SH3BP1: variants seen among roughly 807,000 people sequenced by gnomAD.
The protein encoded by SH3BP1 is SH3 domain-binding protein 1.
A neutral mutation model predicts 69.8 loss-of-function variants in SH3BP1; 46 were observed. The observed-to-expected ratio is 0.66, with a 90% CI of 0.52 to 0.84. SH3BP1 has a LOEUF of 0.84. Ranked by LOEUF, SH3BP1 falls within the 40% of genes least tolerant of loss-of-function variation. SH3BP1 has a pLI of 0.00. For synonymous variants in SH3BP1, 403 were observed against 378.0 expected (o/e 1.07, Z -0.77); for missense variants, 868 against 930.9 (o/e 0.93, Z 0.88).
At chr22:37,653,040 G>C (rs1180626303) in intron 16 of SH3BP1, among the ~76,000 whole-genome samples, 1 of 151,948 alleles carries the variant, frequency 6.6e-6, no homozygotes, top group Non-Finnish European at 1.5e-5. Context: ...AGGAGACCAA[G>C]ACAGGAGAAT....
intron 17 of SH3BP1, among the ~76,000 whole-genome samples, chr22:37,654,194 G>A (rs1396300857): frequency 6.6e-6 from 1 of 152,174 alleles, no homozygotes; most frequent in Admixed American, 6.5e-5. Context: ...AGGGGGAGCC[G>A]GCGTGAGTAC....
chr22:37,655,691 G>C lies in SH3BP1; in HGVS notation c.*7G>C, dbSNP rs1324942989. 3.4e-6 allele frequency: 5 copies of C among 1,487,464 alleles called. No homozygotes were observed. The highest frequency in any genetic ancestry group is 4.5e-6 in the Non-Finnish European group (5 of 1,120,106). The allele number at this position is 1,487,464 out of a possible 1,614,324, so 92.1% of individuals were successfully genotyped here. A position where few individuals can be genotyped will look rare whatever the true frequency, so the allele number is the denominator to read the frequency against. On this transcript the variant is annotated 3_prime_UTR_variant, in exon 18 of 18. Transcript: ENST00000649765. Reference sequence around the variant, plus strand: ...TGCCTCAGAGACCAACTGAGTGGCTGGTTTCTCCCTAAGCAGCCCTCAGCA... The same window carrying C: ...TGCCTCAGAGACCAACTGAGTGGCTCGTTTCTCCCTAAGCAGCCCTCAGCA...
chr22:37,654,758 G>A (rs1049955230), intron 17 of SH3BP1, among the ~76,000 whole-genome samples: 5 of 151,950 alleles, frequency 3.3e-5, no homozygotes, highest in African/African-American at 9.7e-5. Context: ...AGGAATAGGC[G>A]GAACAGCTCT....
rs762602517 is a variant in SH3BP1, at chr22:37,650,235, C to T, written c.1400C>T (p.Thr467Ile). ...GAGGCGCTGATCCAGAGCGCAGACACCCTCTTCCCTGGAGGTGAAGCTCCT... is the reference window on the plus strand; with the variant it reads ...GAGGCGCTGATCCAGAGCGCAGACATCCTCTTCCCTGGAGGTGAAGCTCCT... ...VVEALIQSAD[T>I]LFPGDINFNV... Residue 467 changes from threonine to isoleucine, a missense_variant, in exon 15 of 18, where the codon ACC becomes ATC. Around this residue, in one of 3 missense-constraint regions of SH3BP1, gnomAD observed 474 missense variants for 462.3 expected, o/e 1.03. Transcript: ENST00000649765. The T allele has an allele frequency of 1.3e-5, 21 of 1,609,796 alleles. No individual in the cohort carries two copies. In the East Asian group the frequency reaches 4.5e-4, roughly 34 times the overall value.
At position 37,644,882 on chromosome 22, in the gene SH3BP1, C is replaced by T. The variant is rs960519170; in HGVS notation, c.700C>T (p.Gln234Ter). Residue 234 changes from glutamine (Q) to a stop codon, truncating the protein, a stop_gained, in exon 9 of 18, where the codon CAG (glutamine) becomes TAG (stop). Coordinates refer to ENST00000649765, the MANE Select transcript of SH3BP1 (RefSeq NM_018957.6). LOFTEE classifies it high-confidence loss of function. The part of the protein sequence containing the change: ...ANYFIRLLEI[Q>*]ADYHRRSLSS... ...TTCATCCCCACAGCTCCTGGAGATT[C>T]AGGCCGATTACCATCGCAGGTCACT... 6.2e-7 allele frequency: 1 copy of T among 1,613,944 alleles called. No individual in the cohort carries two copies. The highest frequency in any genetic ancestry group is 8.5e-7 in the Non-Finnish European group (1 of 1,180,028).
chr22:37,645,800 C>A (rs1052392845), intron 10 of SH3BP1, among the ~76,000 whole-genome samples: 5 of 152,072 alleles, frequency 3.3e-5, no homozygotes, highest in Non-Finnish European at 4.4e-5. Flanking sequence ...GAGAAGGTGA[C>A]TTCTCAAACC....
chr22:37,643,196 G>T, intron 6 of SH3BP1, 22 bp downstream of exon 6: 1 of 1,593,322 alleles, frequency 6.3e-7, no homozygotes, highest in Admixed American at 1.7e-5. Context: ...AGCCGCTCAG[G>T]GGGCTCATAT....
intron 16 of SH3BP1, among the ~76,000 whole-genome samples, chr22:37,653,311 C>T (rs968908266): frequency 6.6e-5 from 10 of 152,078 alleles, no homozygotes; most frequent in African/African-American, 2.4e-4. Context: ...TGGTGTGTGC[C>T]TATAATCCCA....
At position 37,655,459 on chromosome 22, in the gene SH3BP1, C is replaced by T. The variant is rs759137525; in HGVS notation, c.1881C>T (p.Pro627=). ...PTVPPPLPPT[P]PQPARRQSRR... is the part of the protein sequence containing the mutation. ...TGCCACCCCCGTTACCCCCCACACC[C>T]CCTCAGCCTGCCCGGCGCCAAAGCC... Residue 627 remains proline, a synonymous_variant, in exon 18 of 18, where the codon CCC becomes CCT. Coordinates refer to ENST00000649765, the MANE Select transcript of SH3BP1 (RefSeq NM_018957.6). The T allele has an allele frequency of 4.4e-6, 6 of 1,357,074 alleles. No individual in the cohort carries two copies. In the African/African-American group the frequency reaches 6.0e-5, roughly 13 times the overall value. The allele number at this position is 1,357,074 out of a possible 1,614,324, so 84.1% of individuals were successfully genotyped here. A position where few individuals can be genotyped will look rare whatever the true frequency, so the allele number is the denominator to read the frequency against.
At chr22:37,655,198 G>A (rs73168203) in intron 17 of SH3BP1, 74 bp from the exon 18 acceptor site, 277,918 of 1,086,078 alleles carry the variant, frequency 0.26, 37,825 homozygotes, top group Middle Eastern at 0.32. Flanking sequence ...GGTTGTGAGG[G>A]GGCACGGAGC....
Position 37,653,851 on chromosome 22 carries a change from A to G in SH3BP1, c.1671A>G (p.Pro557=), listed in dbSNP as rs748504211. The G allele has an allele frequency of 7.7e-6, 11 of 1,428,776 alleles. No homozygotes were observed. In the East Asian group the frequency reaches 3.5e-4, roughly 45 times the overall value. 88.5% of individuals were successfully genotyped at this position (1,428,776 alleles called of 1,614,324 possible). A position where few individuals can be genotyped will look rare whatever the true frequency, so the allele number is the denominator to read the frequency against. The part of the protein sequence containing the change: ...VTRSPPETAA[P]VEDMARRTKR... Reference sequence around the variant, plus strand: ...GGAGTCCCCCGGAGACAGCTGCCCCAGTGGAGGACATGGCTCGGAGGAGTG... The same window carrying G: ...GGAGTCCCCCGGAGACAGCTGCCCCGGTGGAGGACATGGCTCGGAGGAGTG... Residue 557 remains proline (P), a synonymous_variant, in exon 17 of 18, where the codon CCA becomes CCG. Transcript: ENST00000649765.
Position 37,655,299 on chromosome 22 carries a change from C to A in SH3BP1, c.1721C>A (p.Thr574Asn). ...RTKRPAPARP[T>N]MPPPQVSGSR... ...AAGCGCCCGGCGCCAGCCCGGCCCACCATGCCGCCCCCCCAGGTCTCCGGC... is the reference window on the plus strand; with the variant it reads ...AAGCGCCCGGCGCCAGCCCGGCCCAACATGCCGCCCCCCCAGGTCTCCGGC... Residue 574 changes from threonine (T) to asparagine (N), a missense_variant, in exon 18 of 18, where the codon ACC (threonine) becomes AAC (asparagine). Coordinates refer to ENST00000649765, the MANE Select transcript of SH3BP1 (RefSeq NM_018957.6). The A allele has an allele frequency of 6.3e-7, 1 of 1,576,436 alleles. No individual in the cohort carries two copies. Among genetic ancestry groups the A allele is most frequent in the Non-Finnish European group, 8.6e-7 (1 of 1,164,080 alleles).
At position 37,655,417 on chromosome 22, in the gene SH3BP1, C is replaced by A; in HGVS notation, c.1839C>A (p.Ser613Arg). Reference protein sequence around the residue: ...QALPRRLVGSSLRAPTVPPPL... With the variant: ...QALPRRLVGSRLRAPTVPPPL... The stretch of plus-strand genomic sequence containing the variant: ...TGCCCCGACGTCTGGTTGGCAGCAG[C>A]CTCCGAGCCCCCACAGTGCCACCCC... Residue 613 changes from serine to arginine, a missense_variant, in exon 18 of 18, where the codon AGC becomes AGA. By Grantham distance (110) the Ser-to-Arg change is moderately radical. Around this residue, in one of 3 missense-constraint regions of SH3BP1, gnomAD observed 474 missense variants for 462.3 expected, o/e 1.03. Transcript: ENST00000649765. 6.9e-7 allele frequency: 1 copy of A among 1,445,402 alleles called. No individual in the cohort carries two copies. The highest frequency in any genetic ancestry group is 9.3e-7 in the Non-Finnish European group (1 of 1,080,626). The allele number at this position is 1,445,402 out of a possible 1,614,324, so 89.5% of individuals were successfully genotyped here.
At position 37,643,144 on chromosome 22, in the gene SH3BP1, T is replaced by C; in HGVS notation, c.443T>C (p.Leu148Pro). The change falls in exon 6 of 18, where the codon CTC becomes CCC. Residue 148 changes from leucine (L) to proline (P), a missense_variant. Leu to Pro is a moderately conservative substitution (Grantham distance 98, BLOSUM62 -3). Coordinates refer to ENST00000649765, the MANE Select transcript of SH3BP1 (RefSeq NM_018957.6). ...ILKHKKSLQK[L>P]VSDWNTLKSR... is the part of the protein sequence containing the mutation. ...AAACACAAGAAAAGCCTCCAGAAGC[T>C]CGTGTCCGACTGGAACACACTCAAG... 6.2e-7 allele frequency: 1 copy of C among 1,608,846 alleles called. No individual in the cohort carries two copies. Among genetic ancestry groups the C allele is most frequent in the Non-Finnish European group, 8.5e-7 (1 of 1,177,952 alleles).
rs1932572316 is a variant in SH3BP1 at position 37,641,110 on chromosome 22, C to CA, written c.60-16_60-15insA. On this transcript the variant is annotated splice_polypyrimidine_tract_variant and intron_variant, in intron 1 of 17. Coordinates refer to ENST00000649765, the MANE Select transcript of SH3BP1 (RefSeq NM_018957.6). ...AGCAGAAGCACTCTCCCCCCCCCCC[C>CA]CACCACTCCCCGCAGCACCCCGGAG... The CA allele has an allele frequency of 1.1e-5, 15 of 1,422,288 alleles. No homozygotes were observed. The highest frequency in any genetic ancestry group is 2.9e-5 in the African/African-American group (2 of 68,582). The allele number at this position is 1,422,288 out of a possible 1,614,324, so 88.1% of individuals were successfully genotyped here.
chr22:37,649,783 C>CAA, intron 14 of SH3BP1: 1 of 305,514 alleles, frequency 3.3e-6, no homozygotes, highest in South Asian at 2.9e-5. Context: ...GACTCTGTCT[C>CAA]AAAAAAAAAG....
chr22:37,655,304 CCG>C lies in SH3BP1; in HGVS notation c.1728_1729del (p.Gln579GlyfsTer80). The C allele has an allele frequency of 6.4e-7, 1 of 1,568,530 alleles. No homozygotes were observed. Among genetic ancestry groups the C allele is most frequent in the Admixed American group, 1.8e-5 (1 of 56,866 alleles). On this transcript the variant is annotated frameshift_variant, in exon 18 of 18. Coordinates refer to ENST00000649765, the MANE Select transcript of SH3BP1 (RefSeq NM_018957.6). LOFTEE classifies it low-confidence loss of function (END_TRUNC). ...KRPAPARPTM[P>X]PPQVSGSRSS... is the part of the protein sequence containing the mutation. ...CCCGGCGCCAGCCCGGCCCACCATG[CCG>C]CCCCCCCAGGTCTCCGGCTCCCGCT...
chr22:37,639,748 A>T lies in SH3BP1; in HGVS notation c.-40A>T. On this transcript the variant is annotated 5_prime_UTR_variant, in exon 1 of 18. Transcript: ENST00000649765. ...GGACCGGGGGCTCCCCGGGCCCGCG[A>T]CCCCCGCCGTGACCCCGCAGCCCCC... The T allele has an allele frequency of 7.6e-7, 1 of 1,307,224 alleles. No homozygotes were observed. The highest frequency in any genetic ancestry group is 1.0e-6 in the Non-Finnish European group (1 of 971,626). The allele number at this position is 1,307,224 out of a possible 1,614,324, so 81.0% of individuals were successfully genotyped here. A position where few individuals can be genotyped will look rare whatever the true frequency, so the allele number is the denominator to read the frequency against.
rs775670073 is a variant in SH3BP1, at chr22:37,655,725, C to T, written c.*41C>T. The T allele has an allele frequency of 6.9e-7, 1 of 1,450,144 alleles. No homozygotes were observed. The allele number at this position is 1,450,144 out of a possible 1,614,324, so 89.8% of individuals were successfully genotyped here. A position where few individuals can be genotyped will look rare whatever the true frequency, so the allele number is the denominator to read the frequency against. On this transcript the variant is annotated 3_prime_UTR_variant, in exon 18 of 18. Coordinates refer to ENST00000649765, the MANE Select transcript of SH3BP1 (RefSeq NM_018957.6). Reference sequence around the variant, plus strand: ...CTAAGCAGCCCTCAGCACCCCCTCCCTCCCCACCTGGCCCTCCCAGGACAG... The same window carrying T: ...CTAAGCAGCCCTCAGCACCCCCTCCTTCCCCACCTGGCCCTCCCAGGACAG...
Sources: gnomAD v4.1 joint callset for allele counts (sites outside exome capture counted in the v4.1 genomes callset) on GRCh38, gnomAD v4.1.1 for gene constraint, gnomAD v4.1.1 regional missense constraint, MANE v1.5 for transcripts, NCBI Gene and HGNC (gene_info 2026-07-23, HGNC 2026-07-21) for gene names.